THEMIS: variants seen among roughly 807,000 people sequenced by gnomAD.
The protein encoded by THEMIS is thymocyte selection associated, also known as protein THEMIS.
THEMIS carries 37 observed loss-of-function variants against 52.6 expected under a neutral mutation model. That is an observed-to-expected ratio of 0.70 (90% confidence interval 0.54 to 0.93). The LOEUF (loss-of-function observed/expected upper bound fraction) is 0.93. THEMIS is among the 40% of genes least tolerant of loss of function. The pLI is 0.00. For missense variants in THEMIS, 808 were observed against 763.1 expected (o/e 1.06, Z -0.69); for synonymous variants, 292 against 272.7 (o/e 1.07, Z -0.70).
intron 5 of THEMIS, among the ~76,000 whole-genome samples, chr6:127,710,966 C>T (rs1773958646): frequency 8.2e-6 from 1 of 122,510 alleles, no homozygotes; most frequent in African/African-American, 2.8e-5. Flanking sequence ...TCCCTTCCTT[C>T]TTTCCTTCCT....
chr6:127,786,527 A>T (rs2114504151), intron 4 of THEMIS, among the ~76,000 whole-genome samples: 1 of 152,344 alleles, frequency 6.6e-6, no homozygotes, highest in East Asian at 1.9e-4. Context: ...TTGGTTGAGT[A>T]TTCATTAGGT....
chr6:127,916,190 TA>T (rs1346592141), intron 1 of THEMIS, among the ~76,000 whole-genome samples: 1 of 151,480 alleles, frequency 6.6e-6, no homozygotes, highest in African/African-American at 2.4e-5. Context: ...ATATTATAAT[TA>T]AATATATCTA....
chr6:127,716,336 C>T (rs1774158421), intron 5 of THEMIS, among the ~76,000 whole-genome samples: 1 of 151,810 alleles, frequency 6.6e-6, no homozygotes, highest in Admixed American at 6.6e-5. Context: ...ATGAGTGACC[C>T]ACATAATAAT....
At position 127,812,926 on chromosome 6, in the gene THEMIS, G is replaced by T. The variant is rs1404210514; in HGVS notation, c.1715C>A (p.Thr572Asn). The change falls in exon 4 of 6, where the codon ACC becomes AAC. Residue 572 changes from threonine to asparagine, a missense_variant. Physicochemically the swap from Thr to Asn is moderately conservative, Grantham distance 65. Coordinates refer to ENST00000368248, the MANE Select transcript of THEMIS (RefSeq NM_001010923.3). Reference protein sequence around the residue: ...SVEETKLTLLTLAEERTVDLP... With the variant: ...SVEETKLTLLNLAEERTVDLP... ...GTCTACCGTCCTTTCTTCTGCTAAG[G>T]TTAGCAGGGTTAACTTTGTTTCCTC... 6.2e-7 allele frequency: 1 copy of T among 1,613,514 alleles called. No homozygotes were observed. Among genetic ancestry groups the T allele is most frequent in the African/African-American group, 1.3e-5 (1 of 74,894 alleles).
chr6:127,713,043 A>T lies in THEMIS; in HGVS notation c.1895-3027T>A, dbSNP rs112646680. On this transcript the variant is annotated intron_variant, in intron 5 of 5. Transcript: ENST00000368248. The stretch of plus-strand genomic sequence containing the variant: ...GAAATTGCTCAATGTGATGGTGAAC[A>T]CTCAAACCTGCCATGAACCATCTAC... Among the ~76,000 whole-genome samples the T allele has an allele frequency of 7.7e-4, 117 of 151,938 alleles. 1 individual carries two copies. Among genetic ancestry groups the T allele is most frequent in the African/African-American group, 2.8e-3 (115 of 41,504 alleles).
At chr6:127,910,713 C>T (rs1394981192) in intron 1 of THEMIS, among the ~76,000 whole-genome samples, 1 of 152,142 alleles carries the variant, frequency 6.6e-6, no homozygotes, top group South Asian at 2.1e-4. Flanking sequence ...ATACAAACAC[C>T]TGTTTCCTTT....
At chr6:127,761,075 G>A (rs1776005668) in intron 4 of THEMIS, among the ~76,000 whole-genome samples, 1 of 152,032 alleles carries the variant, frequency 6.6e-6, no homozygotes, top group African/African-American at 2.4e-5. Context: ...CCAAAAAACT[G>A]ATTAAAAATG....
intron 4 of THEMIS, among the ~76,000 whole-genome samples, chr6:127,726,981 G>A (rs887485119): frequency 6.6e-6 from 1 of 152,144 alleles, no homozygotes; most frequent in Non-Finnish European, 1.5e-5. Context: ...ATTTTAAGGA[G>A]ATAAAAATTC....
downstream of THEMIS, among the ~76,000 whole-genome samples, chr6:127,704,699 A>G (rs1773778210): frequency 6.6e-6 from 1 of 152,246 alleles, no homozygotes; most frequent in South Asian, 2.1e-4. Context: ...GCAAGATAGA[A>G]GCAGCACATA....
At chr6:127,890,162 A>T (rs980954966) in intron 1 of THEMIS, among the ~76,000 whole-genome samples, 2 of 152,266 alleles carry the variant, frequency 1.3e-5, no homozygotes, top group African/African-American at 2.4e-5. Flanking sequence ...TTGGACCTTG[A>T]TGAGGTATCT....
At chr6:127,728,006 GGC>G (rs972020567) in intron 4 of THEMIS, among the ~76,000 whole-genome samples, 59 of 152,234 alleles carry the variant, frequency 3.9e-4, no homozygotes, top group African/African-American at 1.3e-3. Context: ...ATCCAGGCAT[GGC>G]TCTTCATCTT....
At chr6:127,742,310 G>C (rs1775229291) in intron 4 of THEMIS, among the ~76,000 whole-genome samples, 1 of 104,914 alleles carries the variant, frequency 9.5e-6, no homozygotes, top group South Asian at 2.6e-4. Context: ...GTGAGACTCT[G>C]CTTAAAAAAA....
chr6:127,729,122 A>C (rs1583206012), intron 4 of THEMIS, among the ~76,000 whole-genome samples: 3 of 108,582 alleles, frequency 2.8e-5, no homozygotes, highest in African/African-American at 6.7e-5. Context: ...TTTCCATTCT[A>C]CTCCCTTTAC....
intron 2 of THEMIS, among the ~76,000 whole-genome samples, chr6:127,848,010 T>C (rs1779279866): frequency 6.6e-6 from 1 of 151,288 alleles, no homozygotes; most frequent in South Asian, 2.1e-4. Flanking sequence ...GTTGGTGTGC[T>C]GCACCCATTA....
chr6:127,884,591 T>C (rs1364310768), intron 1 of THEMIS, among the ~76,000 whole-genome samples: 3 of 152,152 alleles, frequency 2.0e-5, no homozygotes, highest in African/African-American at 7.2e-5. Flanking sequence ...ATGGTTTCTG[T>C]CTGCACAGCT....
intron 4 of THEMIS, among the ~76,000 whole-genome samples, chr6:127,769,563 C>T (rs937985733): frequency 3.9e-5 from 6 of 152,014 alleles, no homozygotes; most frequent in African/African-American, 1.4e-4. Context: ...GCTTGTTGTT[C>T]TGGCTTATGA....
chr6:127,774,332 A>C (rs1776485364), intron 4 of THEMIS, among the ~76,000 whole-genome samples: 1 of 152,162 alleles, frequency 6.6e-6, no homozygotes, highest in African/African-American at 2.4e-5. Flanking sequence ...CAGCCTCCCG[A>C]GTAGCTGGGA....
intron 4 of THEMIS, among the ~76,000 whole-genome samples, chr6:127,759,416 G>A (rs1457373011): frequency 1.3e-5 from 2 of 151,952 alleles, no homozygotes; most frequent in East Asian, 1.9e-4. Flanking sequence ...ACCCTCCAAG[G>A]GGTGAAGTTG....
At chr6:127,817,191 G>A (rs76042153) in intron 3 of THEMIS, among the ~76,000 whole-genome samples, 10,605 of 152,072 alleles carry the variant, frequency 0.07, 372 homozygotes, top group Non-Finnish European at 0.086. Context: ...CTTCATCAAT[G>A]TCTAGAATGT....
Sources: allele counts gnomAD v4.1 joint callset (sites outside exome capture counted in the v4.1 genomes callset), GRCh38; gene constraint gnomAD v4.1.1; transcripts MANE v1.5; gene names NCBI Gene and HGNC (gene_info 2026-07-23, HGNC 2026-07-21).